The following CEP295 variants were observed in gnomAD, a reference collection of about 807,000 sequenced individuals.
CEP295 encodes centrosomal protein of 295 kDa.
In CEP295, 190 loss-of-function variants were observed where a neutral mutation model predicts 291.6. The observed-to-expected ratio is 0.65, with a 90% CI of 0.58 to 0.73. The LOEUF (loss-of-function observed/expected upper bound fraction) is 0.73, where lower values mean the gene tolerates loss of function less well. Among genes scored for constraint, CEP295 ranks in the 30% least tolerant of loss-of-function variants. The pLI, the probability that CEP295 is intolerant of heterozygous loss-of-function variation, is 0.00. For missense variants in CEP295, 2,863 were observed against 2,949.4 expected, an observed-to-expected ratio of 0.97 and a Z score of 0.68; for synonymous variants, 993 against 1,038.8, an observed-to-expected ratio of 0.96 and a Z score of 0.85.
Position 93,723,141 on chromosome 11 carries a change from T to G in CEP295, c.6048T>G (p.Asp2016Glu). Residue 2016 changes from aspartate to glutamate, a missense_variant, in exon 21 of 30, where the codon GAT (aspartate) becomes GAG (glutamate). Transcript: ENST00000325212. ...GTTCCATAGTTCCTTCAACACAAGATATTTATCAGCGGCAGAACTCTTCAG... is the reference window on the plus strand; with the variant it reads ...GTTCCATAGTTCCTTCAACACAAGAGATTTATCAGCGGCAGAACTCTTCAG... ...IISSIVPSTQ[D>E]IYQRQNSSDV... The G allele has an allele frequency of 1.3e-6, 2 of 1,552,088 alleles. No individual in the cohort carries two copies. The highest frequency in any genetic ancestry group is 1.7e-6 in the Non-Finnish European group (2 of 1,147,048).
rs1290832792 is a variant in CEP295, at chr11:93,727,930, C to T, written c.7161+293C>T. 2.5e-5 allele frequency: 6 copies of T among 240,050 alleles called. 1 individual carries two copies. Among genetic ancestry groups the T allele is most frequent in the Admixed American group, 5.1e-5 (1 of 19,510 alleles). The allele number at this position is 240,050 out of a possible 1,614,324, so 14.9% of individuals were successfully genotyped here. On this transcript the variant is annotated intron_variant, in intron 24 of 29. Transcript: ENST00000325212. Reference sequence around the variant, plus strand: ...AGAAACTTAAAAATTTGAAAACTGTCTTCTGAGAGTATTTTACAAAAGATC... The same window carrying T: ...AGAAACTTAAAAATTTGAAAACTGTTTTCTGAGAGTATTTTACAAAAGATC...
chr11:93,726,244 CCT>C (rs1206887998), intron 23 of CEP295, among the ~76,000 whole-genome samples: 5 of 152,090 alleles, frequency 3.3e-5, no homozygotes, highest in Non-Finnish European at 5.9e-5. Context: ...GATTCTCCTG[CCT>C]CACTCAGCCT....
chr11:93,729,409 A>G (rs746798732), intron 25 of CEP295, 25 bp from the exon 26 acceptor site: 3 of 1,491,468 alleles, frequency 2.0e-6, no homozygotes, highest in South Asian at 2.4e-5. Context: ...AAAAAGAGTA[A>G]AACATGCAAC....
rs1338913766 is a variant in CEP295 at position 93,698,288 on chromosome 11, CTTTA to C, written c.3382_3385del (p.Ser1129ArgfsTer5). On this transcript the variant is annotated frameshift_variant, in exon 15 of 30. Coordinates refer to ENST00000325212, the MANE Select transcript of CEP295 (RefSeq NM_033395.2). LOFTEE classifies it high-confidence loss of function. ...AGCTGAGCCTAGGAGAATTCAGGAG[CTTTA>C]TTTATCTGAGAAGGAGAATGTAGGT... 6.4e-7 allele frequency: 1 copy of C among 1,551,676 alleles called. No homozygotes were observed. The highest frequency in any genetic ancestry group is 8.7e-7 in the Non-Finnish European group (1 of 1,146,988).
intron 6 of CEP295, among the ~76,000 whole-genome samples, chr11:93,678,172 A>G (rs1206671764): frequency 6.6e-6 from 1 of 152,146 alleles, no homozygotes; most frequent in Non-Finnish European, 1.5e-5. Flanking sequence ...TTTATCTTCA[A>G]GAGATGTGAA....
intron 18 of CEP295, among the ~76,000 whole-genome samples, chr11:93,715,180 A>C (rs1462757639): frequency 6.6e-6 from 1 of 152,110 alleles, no homozygotes; most frequent in Non-Finnish European, 1.5e-5. Flanking sequence ...ACTGTGGCTA[A>C]GCAGGCACCA....
At position 93,695,549 on chromosome 11, in the gene CEP295, T is replaced by C. The variant is rs191462659; in HGVS notation, c.1586T>C (p.Ile529Thr). Residue 529 changes from isoleucine to threonine, a missense_variant, in exon 13 of 30, where the codon ATT becomes ACT. By Grantham distance (89) the Ile-to-Thr change is moderately conservative. Around this residue, in one of 3 missense-constraint regions of CEP295, gnomAD observed 14 missense variants for 37.7 expected, o/e 0.37. Coordinates refer to ENST00000325212, the MANE Select transcript of CEP295 (RefSeq NM_033395.2). ...KQKQLELLEQIEQQKLRLETD... is the reference protein window; with the variant it reads ...KQKQLELLEQTEQQKLRLETD... ...AAGCAATTGGAATTACTTGAACAAA[T>C]TGAACAGCAGAAATTAAGATTAGAA... The C allele has an allele frequency of 4.5e-4, 671 of 1,478,478 alleles. 4 individuals carry two copies. The South Asian group carries it at 4.8e-3, about 11-fold the overall frequency. 91.6% of individuals were successfully genotyped at this position (1,478,478 alleles called of 1,614,324 possible). A position where few individuals can be genotyped will look rare whatever the true frequency, so the allele number is the denominator to read the frequency against.
chr11:93,683,326 G>C (rs1445336387), intron 7 of CEP295, among the ~76,000 whole-genome samples: 1 of 152,172 alleles, frequency 6.6e-6, no homozygotes, highest in Non-Finnish European at 1.5e-5. Context: ...CTACTTATTT[G>C]TTGGTCTTAC....
Position 93,699,630 on chromosome 11 carries a change from A to T in CEP295, c.4718A>T (p.Asp1573Val), listed in dbSNP as rs780703526. ...AAGTCTTTCCCAACCAAAAGTAATG[A>T]TACTCTTCCCTCAAGTCATCGTGAG... ...TQKSFPTKSN[D>V]TLPSSHREIP... The change falls in exon 15 of 30, where the codon GAT becomes GTT. Residue 1573 changes from aspartate to valine, a missense_variant. Around this residue, in one of 3 missense-constraint regions of CEP295, gnomAD observed 2,295 missense variants for 2,335.7 expected, o/e 0.98. Coordinates refer to ENST00000325212, the MANE Select transcript of CEP295 (RefSeq NM_033395.2). The T allele has an allele frequency of 6.4e-7, 1 of 1,551,746 alleles. No individual in the cohort carries two copies. Among genetic ancestry groups the T allele is most frequent in the South Asian group, 1.2e-5 (1 of 84,058 alleles).
rs1466294982 is a variant in CEP295 at position 93,681,711 on chromosome 11, G to A, written c.766-1848G>A. On this transcript the variant is annotated intron_variant, in intron 7 of 29. Coordinates refer to ENST00000325212, the MANE Select transcript of CEP295 (RefSeq NM_033395.2). The stretch of plus-strand genomic sequence containing the variant: ...TTACAGGCGTGAGCCACCATGCCCA[G>A]CCCAAGTTTTTTGTATTTTTAGTAG... Among the ~76,000 whole-genome samples, 6 of 151,944 alleles carry A rather than the reference G, an allele frequency of 3.9e-5. No homozygotes were observed. The East Asian group carries it at 1.2e-3, about 29-fold the overall frequency.
chr11:93,699,079 C>A lies in CEP295; in HGVS notation c.4167C>A (p.Pro1389=), dbSNP rs747736256. 1 of 1,546,702 alleles carries A rather than the reference C, an allele frequency of 6.5e-7. No individual in the cohort carries two copies. Reference sequence around the variant, plus strand: ...GTGAATGGGAGGGAAGAATATCTCCCGAGCAGGTTGACACCTCTTCCTTAC... The same window carrying A: ...GTGAATGGGAGGGAAGAATATCTCCAGAGCAGGTTGACACCTCTTCCTTAC... ...HQSEWEGRIS[P]EQVDTSSLPL... The change falls in exon 15 of 30, where the codon CCC becomes CCA. Residue 1389 remains proline (P), a synonymous_variant. Coordinates refer to ENST00000325212, the MANE Select transcript of CEP295 (RefSeq NM_033395.2).
intron 14 of CEP295, 72 bp downstream of exon 14, chr11:93,696,489 TGAG>T (rs1484474008): frequency 8.8e-7 from 1 of 1,133,402 alleles, no homozygotes; most frequent in Non-Finnish European, 1.3e-6. Flanking sequence ...TTCATTTATA[TGAG>T]GATCTAATTT....
chr11:93,700,036 G>A lies in CEP295; in HGVS notation c.5124G>A (p.Leu1708=). The A allele has an allele frequency of 6.4e-7, 1 of 1,551,762 alleles. No homozygotes were observed. Residue 1708 remains leucine (L), a synonymous_variant, in exon 15 of 30, where the codon TTG becomes TTA. Coordinates refer to ENST00000325212, the MANE Select transcript of CEP295 (RefSeq NM_033395.2). ...CTGTCTTAACTCAGCAAGATAACTTGGGACTTCAGAAACAGTTGGATCTAC... is the reference window on the plus strand; with the variant it reads ...CTGTCTTAACTCAGCAAGATAACTTAGGACTTCAGAAACAGTTGGATCTAC... ...SQSVLTQQDN[L]GLQKQLDLQR... is the part of the protein sequence containing the mutation.
At position 93,698,008 on chromosome 11, in the gene CEP295, C is replaced by A; in HGVS notation, c.3096C>A (p.Cys1032Ter). 1 of 1,551,716 alleles carries A rather than the reference C, an allele frequency of 6.4e-7. No homozygotes were observed. Among genetic ancestry groups the A allele is most frequent in the African/African-American group, 1.4e-5 (1 of 73,158 alleles). Residue 1032 changes from cysteine (C) to a stop codon, truncating the protein, a stop_gained, in exon 15 of 30, where the codon TGC becomes TGA. Transcript: ENST00000325212. LOFTEE classifies it high-confidence loss of function. ...SSKSEKGLVSCQSDIPISQDG... is the reference protein window; with the variant it reads ...SSKSEKGLVS Reference sequence around the variant, plus strand: ...AGAGCGAGAAAGGACTTGTTTCATGCCAATCTGACATCCCCATATCTCAGG... The same window carrying A: ...AGAGCGAGAAAGGACTTGTTTCATGACAATCTGACATCCCCATATCTCAGG...
intron 25 of CEP295, 36 bp downstream of exon 25, chr11:93,728,857 C>G (rs1232781816): frequency 1.3e-6 from 2 of 1,504,062 alleles, no homozygotes; most frequent in African/African-American, 1.4e-5. Flanking sequence ...TATTCTATTA[C>G]AAGCAAACCA....
intron 18 of CEP295, among the ~76,000 whole-genome samples, chr11:93,713,783 C>G (rs139927511): frequency 1.6e-3 from 236 of 152,220 alleles, no homozygotes; most frequent in Non-Finnish European, 3.1e-3. Flanking sequence ...TCTTTAAGGC[C>G]AGTAGCTCAT....
At chr11:93,668,246 A>G (rs1950276122) in intron 3 of CEP295, among the ~76,000 whole-genome samples, 1 of 152,188 alleles carries the variant, frequency 6.6e-6, no homozygotes, top group African/African-American at 2.4e-5. Flanking sequence ...GAAATACTAC[A>G]GTCCCAGAAT....
At chr11:93,679,826 A>G (rs1950877419) in intron 7 of CEP295, among the ~76,000 whole-genome samples, 1 of 152,232 alleles carries the variant, frequency 6.6e-6, no homozygotes, top group Admixed American at 6.5e-5. Context: ...CAGCCTGAGG[A>G]AAAAAATCAC....
At chr11:93,692,780 C>T (rs1459944664) in intron 12 of CEP295, among the ~76,000 whole-genome samples, 1 of 150,630 alleles carries the variant, frequency 6.6e-6, no homozygotes, top group East Asian at 2.0e-4. Flanking sequence ...TGAGACCCAC[C>T]TGGCCAACCT....
Sources: gnomAD v4.1 joint callset for allele counts (sites outside exome capture counted in the v4.1 genomes callset) on GRCh38, gnomAD v4.1.1 for gene constraint, gnomAD v4.1.1 regional missense constraint, MANE v1.5 for transcripts, NCBI Gene and HGNC (gene_info 2026-07-23, HGNC 2026-07-21) for gene names.